The following VPS26A variants were observed in gnomAD, a reference collection of about 807,000 sequenced individuals.
VPS26A encodes VPS26 retromer complex component A, also known as vacuolar protein sorting-associated protein 26A.
Under a neutral mutation model 42.4 loss-of-function variants are expected in VPS26A, and 22 were observed. The ratio of observed to expected loss-of-function variants is 0.52; its 90% CI spans 0.37 to 0.74. The LOEUF (loss-of-function observed/expected upper bound fraction) is 0.74, where lower values mean the gene tolerates loss of function less well. VPS26A is among the 30% of genes least tolerant of loss of function. The pLI, the probability that VPS26A is intolerant of heterozygous loss-of-function variation, is 0.00. For missense variants in VPS26A, 276 were observed against 379.2 expected (o/e 0.73, Z 2.26); for synonymous variants, 110 against 123.5 (o/e 0.89, Z 0.73).
chr10:69,165,117 G>A (rs770273044), intron 6 of VPS26A, among the ~76,000 whole-genome samples: 7 of 151,886 alleles, frequency 4.6e-5, no homozygotes, highest in Non-Finnish European at 8.8e-5. Context: ...TAGTAGAGAC[G>A]GGGTTTCACC....
chr10:69,137,233 G>A (rs1412754692), intron 2 of VPS26A, among the ~76,000 whole-genome samples: 2 of 152,134 alleles, frequency 1.3e-5, no homozygotes, highest in Non-Finnish European at 2.9e-5. Flanking sequence ...AGCTCTAGTT[G>A]TATAATCCTC....
At chr10:69,149,508 C>T (rs1183791921) in intron 2 of VPS26A, among the ~76,000 whole-genome samples, 1 of 152,030 alleles carries the variant, frequency 6.6e-6, no homozygotes, top group Admixed American at 6.6e-5. Flanking sequence ...TATTGGAACA[C>T]ATTTAAAATT....
At chr10:69,143,324 C>T (rs1841084001) in intron 2 of VPS26A, among the ~76,000 whole-genome samples, 1 of 152,166 alleles carries the variant, frequency 6.6e-6, no homozygotes, top group Non-Finnish European at 1.5e-5. Flanking sequence ...GGTTAGACTG[C>T]CTCATTGGTT....
chr10:69,148,976 T>C (rs1328534813), intron 2 of VPS26A, among the ~76,000 whole-genome samples: 2 of 152,132 alleles, frequency 1.3e-5, no homozygotes, highest in Non-Finnish European at 2.9e-5. Context: ...CAGGATGGTC[T>C]CCATCTCCTG....
At chr10:69,151,268 A>AAAAAAAAAACAAAAAAC (rs1841301199) in intron 2 of VPS26A, among the ~76,000 whole-genome samples, 1 of 68,786 alleles carries the variant, frequency 1.5e-5, no homozygotes, top group Admixed American at 1.5e-4. Context: ...CCATGTCAAA[A>AAAAAAAAAACAAAAAAC]AAAAAAAAAA....
intron 2 of VPS26A, chr10:69,133,577 G>A (rs1264058962): frequency 1.4e-4 from 175 of 1,289,432 alleles, no homozygotes; most frequent in Non-Finnish European, 1.7e-4. Context: ...GTCTATGCAT[G>A]GTCAGATATG....
intron 2 of VPS26A, among the ~76,000 whole-genome samples, chr10:69,151,979 A>AT (rs200714955): frequency 0.018 from 2,745 of 151,830 alleles, 26 homozygotes; most frequent in Admixed American, 0.028. Flanking sequence ...TTTCTTAAAT[A>AT]TTTTTCTGAC....
At chr10:69,128,733 G>A (rs1359242245) in intron 1 of VPS26A, among the ~76,000 whole-genome samples, 1 of 152,144 alleles carries the variant, frequency 6.6e-6, no homozygotes, top group East Asian at 1.9e-4. Context: ...GGTGGCTCAC[G>A]CCTGTAATCC....
intron 1 of VPS26A, among the ~76,000 whole-genome samples, chr10:69,124,847 G>A (rs190269013): frequency 4.6e-5 from 7 of 152,320 alleles, no homozygotes; most frequent in African/African-American, 1.4e-4. Flanking sequence ...ACGTTGGAAT[G>A]GGGGATATCT....
chr10:69,133,127 A>G lies in VPS26A; in HGVS notation c.153+80A>G. ...CAAAGTGGTCTGTGCTGTTTCTTAAATTTGAATAATTTTATGAGGGAGAGA... is the reference window on the plus strand; with the variant it reads ...CAAAGTGGTCTGTGCTGTTTCTTAAGTTTGAATAATTTTATGAGGGAGAGA... On this transcript the variant is annotated intron_variant, in intron 2 of 8. Transcript: ENST00000263559. 5 of 1,413,864 alleles carry G rather than the reference A, an allele frequency of 3.5e-6. No homozygotes were observed. In the South Asian group the frequency reaches 6.8e-5, roughly 19 times the overall value. The allele number at this position is 1,413,864 out of a possible 1,614,324, so 87.6% of individuals were successfully genotyped here.
chr10:69,168,718 C>T lies in VPS26A; in HGVS notation c.870+87C>T, dbSNP rs934603123. 8.3e-5 allele frequency: 122 copies of T among 1,475,244 alleles called. No individual in the cohort carries two copies. The highest frequency in any genetic ancestry group is 1.2e-4 in the South Asian group (9 of 72,118). 91.4% of individuals were successfully genotyped at this position (1,475,244 alleles called of 1,614,324 possible). Reference sequence around the variant, plus strand: ...CTCTTCTAAGCTTCACTGTACTGAGCGAGTGGGAGTTTCTAAATAAATAAA... The same window carrying T: ...CTCTTCTAAGCTTCACTGTACTGAGTGAGTGGGAGTTTCTAAATAAATAAA... On this transcript the variant is annotated intron_variant, in intron 8 of 8. Transcript: ENST00000263559.
intron 2 of VPS26A, among the ~76,000 whole-genome samples, chr10:69,134,338 A>G (rs915340639): frequency 6.6e-6 from 1 of 152,098 alleles, no homozygotes; most frequent in Non-Finnish European, 1.5e-5. Context: ...CTTTCTTCAT[A>G]TCTTTGGTAA....
At chr10:69,169,792 A>G (rs1227879581) in intron 8 of VPS26A, among the ~76,000 whole-genome samples, 31 of 151,760 alleles carry the variant, frequency 2.0e-4, no homozygotes, top group Admixed American at 2.0e-3. Context: ...TATTTTTAGT[A>G]GAGACTGGGT....
intron 2 of VPS26A, among the ~76,000 whole-genome samples, chr10:69,151,264 C>CAAAAAAAAAAAAAAAAAAAAAAA (rs1192297497): frequency 1.6e-4 from 5 of 30,406 alleles, no homozygotes; most frequent in East Asian, 6.0e-4. Flanking sequence ...GACTCCATGT[C>CAAAAAAAAAAAAAAAAAAAAAAA]AAAAAAAAAA....
At chr10:69,130,586 A>G (rs1431818889) in intron 1 of VPS26A, among the ~76,000 whole-genome samples, 1 of 152,224 alleles carries the variant, frequency 6.6e-6, no homozygotes, top group Non-Finnish European at 1.5e-5. Flanking sequence ...AAAGTACACG[A>G]ATAGGTGTAT....
chr10:69,160,775 C>T (rs1008054470), intron 5 of VPS26A, among the ~76,000 whole-genome samples: 2 of 152,108 alleles, frequency 1.3e-5, no homozygotes, highest in African/African-American at 4.8e-5. Flanking sequence ...TCTTGAGATA[C>T]AATTTTGAGA....
intron 2 of VPS26A, among the ~76,000 whole-genome samples, chr10:69,151,286 C>CAAAAAACAAAAA (rs1841309892): frequency 4.7e-5 from 4 of 84,948 alleles, no homozygotes; most frequent in African/African-American, 2.4e-4. Flanking sequence ...AAAAAAAACA[C>CAAAAAACAAAAA]ACACACACAC....
intron 2 of VPS26A, among the ~76,000 whole-genome samples, chr10:69,135,328 A>C (rs1840882233): frequency 6.6e-6 from 1 of 152,222 alleles, no homozygotes; most frequent in Non-Finnish European, 1.5e-5. Flanking sequence ...AAGTAATCTT[A>C]TGTCACCTGG....
chr10:69,138,950 A>G (rs531726366), intron 2 of VPS26A, among the ~76,000 whole-genome samples: 1 of 152,310 alleles, frequency 6.6e-6, no homozygotes, highest in Non-Finnish European at 1.5e-5. Flanking sequence ...AGCATTTGCT[A>G]TTTGTTTTAC....
Sources: allele counts gnomAD v4.1 joint callset (sites outside exome capture counted in the v4.1 genomes callset), GRCh38; gene constraint gnomAD v4.1.1; transcripts MANE v1.5; gene names NCBI Gene and HGNC (gene_info 2026-07-23, HGNC 2026-07-21).